Variants in GRIA4 observed in about 807,000 individuals in gnomAD.
The protein encoded by GRIA4 is glutamate receptor 4.
Under a neutral mutation model 104.0 loss-of-function variants are expected in GRIA4, and 34 were observed. The ratio of observed to expected loss-of-function variants is 0.33; its 90% CI spans 0.25 to 0.44. GRIA4 has a LOEUF of 0.44. Ranked by LOEUF, GRIA4 falls within the 20% of genes least tolerant of loss-of-function variation. The probability of loss-of-function intolerance (pLI) is 1.00; values close to 1 mark genes in which losing one functional copy is unlikely to be tolerated. For missense variants in GRIA4, 750 were observed against 1,096.5 expected, an observed-to-expected ratio of 0.68 and a Z score of 4.46; for synonymous variants, 386 against 381.9, an observed-to-expected ratio of 1.01 and a Z score of -0.13.
At chr11:105,728,700 G>A (rs548583128) in intron 3 of GRIA4, among the ~76,000 whole-genome samples, 30 of 152,112 alleles carry the variant, frequency 2.0e-4, no homozygotes, top group African/African-American at 5.8e-4. Context: ...TAAGAAACTC[G>A]CTCAAAACCT....
At chr11:105,904,214 A>C (rs928338838) in intron 8 of GRIA4, among the ~76,000 whole-genome samples, 1 of 152,170 alleles carries the variant, frequency 6.6e-6, no homozygotes, top group Non-Finnish European at 1.5e-5. Context: ...GTAATAAAAA[A>C]CCCAAATCAC....
At chr11:105,652,099 T>C (rs184876402) in intron 3 of GRIA4, among the ~76,000 whole-genome samples, 2 of 152,242 alleles carry the variant, frequency 1.3e-5, no homozygotes, top group Non-Finnish European at 2.9e-5. Context: ...CTTATGCCTA[T>C]AGAAAGGGAT....
chr11:105,684,120 C>A (rs180825512), intron 3 of GRIA4, among the ~76,000 whole-genome samples: 1 of 152,032 alleles, frequency 6.6e-6, no homozygotes, highest in Non-Finnish European at 1.5e-5. Flanking sequence ...GTGATCCACC[C>A]GCCTCGGCCT....
At chr11:105,964,219 C>T (rs534113117) in intron 14 of GRIA4, among the ~76,000 whole-genome samples, 81 of 152,270 alleles carry the variant, frequency 5.3e-4, no homozygotes, top group African/African-American at 1.9e-3. Flanking sequence ...TTATTTTACA[C>T]CACTAATGTG....
intron 3 of GRIA4, among the ~76,000 whole-genome samples, chr11:105,730,186 A>G (rs1007477411): frequency 2.6e-5 from 4 of 152,210 alleles, no homozygotes; most frequent in Admixed American, 2.6e-4. Flanking sequence ...GCAAAGTCTC[A>G]GGATACAAAA....
chr11:105,864,896 G>A (rs1490237413), intron 5 of GRIA4, among the ~76,000 whole-genome samples: 2 of 151,950 alleles, frequency 1.3e-5, no homozygotes, highest in Non-Finnish European at 1.5e-5. Context: ...TAGAAGGATG[G>A]GCACATTTCA....
At chr11:105,717,655 CAT>C (rs923149155) in intron 3 of GRIA4, among the ~76,000 whole-genome samples, 35 of 152,046 alleles carry the variant, frequency 2.3e-4, no homozygotes, top group African/African-American at 8.4e-4. Flanking sequence ...AAAGACATAA[CAT>C]AGAGTTAAAC....
chr11:105,820,874 C>T (rs1943550860), intron 4 of GRIA4, among the ~76,000 whole-genome samples: 1 of 152,036 alleles, frequency 6.6e-6, no homozygotes, highest in Non-Finnish European at 1.5e-5. Flanking sequence ...TTTACATATG[C>T]CATATGCAAT....
intron 14 of GRIA4, among the ~76,000 whole-genome samples, chr11:105,960,632 C>T (rs569932059): frequency 6.6e-6 from 1 of 152,296 alleles, no homozygotes; most frequent in South Asian, 2.1e-4. Flanking sequence ...GCTTCGACAG[C>T]AGGCAGCAGC....
intron 3 of GRIA4, among the ~76,000 whole-genome samples, chr11:105,748,053 C>A (rs1047921402): frequency 6.6e-6 from 1 of 152,316 alleles, no homozygotes; most frequent in Non-Finnish European, 1.5e-5. Flanking sequence ...TATTGCATAA[C>A]AAACCATCTC....
chr11:105,625,522 A>C (rs971851110), intron 3 of GRIA4, among the ~76,000 whole-genome samples: 9 of 152,050 alleles, frequency 5.9e-5, no homozygotes, highest in Non-Finnish European at 1.2e-4. Flanking sequence ...TTAACATCCA[A>C]ATTTTGGCAT....
At chr11:105,751,223 G>A (rs1193624248) in intron 3 of GRIA4, among the ~76,000 whole-genome samples, 1 of 152,120 alleles carries the variant, frequency 6.6e-6, no homozygotes, top group Non-Finnish European at 1.5e-5. Context: ...AAGCTTGAGA[G>A]TTGGCCCTCA....
intron 4 of GRIA4, among the ~76,000 whole-genome samples, chr11:105,809,091 G>T: frequency 6.6e-6 from 1 of 151,926 alleles, no homozygotes; most frequent in East Asian, 1.9e-4. Flanking sequence ...TTAAAATAGG[G>T]AAAACTGGGT....
At chr11:105,782,431 C>T (rs1941770025) in intron 4 of GRIA4, among the ~76,000 whole-genome samples, 1 of 152,122 alleles carries the variant, frequency 6.6e-6, no homozygotes, top group African/African-American at 2.4e-5. Flanking sequence ...TTACTAATGG[C>T]TTATTAGGAA....
intron 4 of GRIA4, among the ~76,000 whole-genome samples, chr11:105,818,917 T>C (rs1354993895): frequency 6.6e-6 from 1 of 152,206 alleles, no homozygotes; most frequent in Non-Finnish European, 1.5e-5. Flanking sequence ...ATTTAATTTT[T>C]ATGCATGTGT....
At chr11:105,953,905 A>G (rs753664717) in intron 14 of GRIA4, among the ~76,000 whole-genome samples, 23 of 152,328 alleles carry the variant, frequency 1.5e-4, no homozygotes, top group Admixed American at 3.9e-4. Context: ...GAAAACAGAG[A>G]TATAAACTCT....
chr11:105,792,480 C>T (rs1444450151), intron 4 of GRIA4, among the ~76,000 whole-genome samples: 1 of 151,990 alleles, frequency 6.6e-6, no homozygotes, highest in Non-Finnish European at 1.5e-5. Flanking sequence ...ACCATTTCTT[C>T]AAGAATAAAT....
At chr11:105,731,866 A>C (rs1424576784) in intron 3 of GRIA4, among the ~76,000 whole-genome samples, 1 of 151,592 alleles carries the variant, frequency 6.6e-6, no homozygotes, top group Non-Finnish European at 1.5e-5. Context: ...ATCACAAACC[A>C]GGGCCTGTCG....
At chr11:105,970,490 C>A (rs1375352727) in intron 14 of GRIA4, among the ~76,000 whole-genome samples, 2 of 152,084 alleles carry the variant, frequency 1.3e-5, no homozygotes, top group Non-Finnish European at 2.9e-5. Flanking sequence ...GAATTAAGCT[C>A]CCTGTGCTTT....
Sources: gnomAD v4.1 joint callset for allele counts (sites outside exome capture counted in the v4.1 genomes callset) on GRCh38, gnomAD v4.1.1 for gene constraint, MANE v1.5 for transcripts, NCBI Gene and HGNC (gene_info 2026-07-23, HGNC 2026-07-21) for gene names.